Variants in PCCA observed in about 807,000 individuals in gnomAD.
The protein encoded by PCCA is propionyl-CoA carboxylase subunit alpha.
A neutral mutation model predicts 101.3 loss-of-function variants in PCCA; 74 were observed. The ratio of observed to expected loss-of-function variants is 0.73; its 90% confidence interval spans 0.61 to 0.89. The LOEUF (loss-of-function observed/expected upper bound fraction) is 0.89. Among genes scored for constraint, PCCA ranks in the 40% least tolerant of loss-of-function variants. The pLI is 0.00. For synonymous variants in PCCA, 294 were observed against 313.6 expected, an observed-to-expected ratio of 0.94 and a Z score of 0.66; for missense variants, 891 against 907.0, an observed-to-expected ratio of 0.98 and a Z score of 0.23.
At position 100,102,963 on chromosome 13, in the gene PCCA, A is replaced by T. The variant is rs1179068352; in HGVS notation, c.183+3A>T. ...TGGGATATGATCCTAATGAAAAAGT[A>T]AGTATTTAAAAGATATTCTCAACAA... On this transcript the variant is annotated splice_donor_region_variant and intron_variant, in intron 2 of 23. Coordinates refer to ENST00000376285, the MANE Select transcript of PCCA (RefSeq NM_000282.4). 6.5e-7 allele frequency: 1 copy of T among 1,543,600 alleles called. No homozygotes were observed. The highest frequency in any genetic ancestry group is 9.0e-7 in the Non-Finnish European group (1 of 1,115,972).
At chr13:100,186,787 A>C (rs1344624518) in intron 6 of PCCA, among the ~76,000 whole-genome samples, 3 of 151,814 alleles carry the variant, frequency 2.0e-5, no homozygotes, top group Non-Finnish European at 2.9e-5. Flanking sequence ...GATAGTGTAG[A>C]AGAAATCTGA....
intron 6 of PCCA, among the ~76,000 whole-genome samples, chr13:100,168,690 C>T (rs759043461): frequency 7.2e-5 from 11 of 152,028 alleles, no homozygotes; most frequent in Non-Finnish European, 1.0e-4. Flanking sequence ...CCTTTCTGCC[C>T]GGTTGTTAGC....
intron 19 of PCCA, among the ~76,000 whole-genome samples, chr13:100,406,427 G>T (rs1030301964): frequency 5.9e-5 from 9 of 152,164 alleles, no homozygotes; most frequent in Non-Finnish European, 8.8e-5. Context: ...AAAATTGGCC[G>T]GGTGCGGCCG....
chr13:100,143,671 T>G (rs955037344), intron 4 of PCCA, among the ~76,000 whole-genome samples: 1 of 152,230 alleles, frequency 6.6e-6, no homozygotes, highest in Middle Eastern at 3.4e-3. Flanking sequence ...AATGATTTTC[T>G]TTTTTGGGAA....
chr13:100,407,725 A>G (rs2077768413), intron 19 of PCCA, among the ~76,000 whole-genome samples: 1 of 152,200 alleles, frequency 6.6e-6, no homozygotes, highest in East Asian at 1.9e-4. Context: ...ACAAAAATTT[A>G]TATTTCCATG....
At chr13:100,461,684 G>A (rs1440239642) in intron 21 of PCCA, among the ~76,000 whole-genome samples, 1 of 152,156 alleles carries the variant, frequency 6.6e-6, no homozygotes, top group African/African-American at 2.4e-5. Context: ...GGGGTTTCTT[G>A]CACACGTGTG....
chr13:100,278,304 AAGAGATC>A (rs1362568241), intron 12 of PCCA, among the ~76,000 whole-genome samples: 1 of 152,204 alleles, frequency 6.6e-6, no homozygotes, highest in Non-Finnish European at 1.5e-5. Context: ...TTCTAGACCA[AAGAGATC>A]TGAGATTTTT....
At position 100,234,644 on chromosome 13, in the gene PCCA, T is replaced by C. The variant is rs534949675; in HGVS notation, c.601-1198T>C. 2.3e-3 allele frequency among the ~76,000 whole-genome samples: 151 copies of C among 66,726 alleles called. No homozygotes were observed. The African/African-American group carries it at 0.023, about 10-fold the overall frequency. The allele number at this position is 66,726 out of a possible 152,430, so 43.8% of individuals were successfully genotyped here. A position where few individuals can be genotyped will look rare whatever the true frequency, so the allele number is the denominator to read the frequency against. The stretch of plus-strand genomic sequence containing the variant: ...GATGTTATTAGGTACTGAAGAACTT[T>C]AAAGAAGATTTTTTTTTATTAGACA... On this transcript the variant is annotated intron_variant, in intron 7 of 23. Transcript: ENST00000376285.
At chr13:100,304,468 C>T (rs994060513) in intron 14 of PCCA, among the ~76,000 whole-genome samples, 3 of 152,142 alleles carry the variant, frequency 2.0e-5, no homozygotes, top group African/African-American at 7.2e-5. Context: ...CACTTTTGGC[C>T]TGTCATGGAG....
intron 11 of PCCA, among the ~76,000 whole-genome samples, chr13:100,270,598 A>C (rs1486263406): frequency 6.6e-6 from 1 of 152,262 alleles, no homozygotes; most frequent in Non-Finnish European, 1.5e-5. Flanking sequence ...AAAAAGGAAA[A>C]TATACAGCAG....
chr13:100,263,849 ATATATATGGTATCTGTATATCG>A lies in PCCA; in HGVS notation c.819+1026_819+1047del, dbSNP rs1388343068. On this transcript the variant is annotated intron_variant, in intron 10 of 23. Transcript: ENST00000376285. ...TATATGGTATCTGTATATCGTATAT[ATATATATGGTATCTGTATATCG>A]TATATATATGGTATCTGTATGTCAT... is the stretch of plus-strand genomic sequence containing the variant. Among the ~76,000 whole-genome samples, 755 of 147,302 alleles carry A rather than the reference ATATATATGGTATCTGTATATCG, an allele frequency of 5.1e-3. 1 individual carries two copies. Among genetic ancestry groups the A allele is most frequent in the Non-Finnish European group, 8.7e-3 (570 of 65,786 alleles).
At chr13:100,142,080 G>T (rs772479346) in intron 4 of PCCA, among the ~76,000 whole-genome samples, 5 of 152,094 alleles carry the variant, frequency 3.3e-5, no homozygotes, top group African/African-American at 9.7e-5. Flanking sequence ...TTTTCTTCCA[G>T]TAGGGCAGAT....
intron 16 of PCCA, among the ~76,000 whole-genome samples, chr13:100,313,469 T>C (rs1158565221): frequency 6.6e-6 from 1 of 152,186 alleles, no homozygotes; most frequent in Non-Finnish European, 1.5e-5. Flanking sequence ...TGAGGAATGC[T>C]GACTGGTTGG....
chr13:100,505,294 A>G (rs1327652586), intron 21 of PCCA, among the ~76,000 whole-genome samples: 1 of 152,174 alleles, frequency 6.6e-6, no homozygotes, highest in African/African-American at 2.4e-5. Flanking sequence ...TTGCCCAGAT[A>G]TGCTCGATAA....
In PCCA at chr13:100,518,084, A is replaced by G. The variant is rs570920846; in HGVS notation, c.2040+2517A>G. On this transcript the variant is annotated intron_variant, in intron 22 of 23. Coordinates refer to ENST00000376285, the MANE Select transcript of PCCA (RefSeq NM_000282.4). ...TTATGGGTGGGAAGATAATGGAGTC[A>G]GTCTCCTTGGTGTATTTTCAAGGAA... Among the ~76,000 whole-genome samples the G allele has an allele frequency of 6.6e-5, 10 of 152,356 alleles. No individual in the cohort carries two copies. The South Asian group carries it at 1.7e-3, about 25-fold the overall frequency.
chr13:100,451,907 C>T (rs2081308038), intron 21 of PCCA, among the ~76,000 whole-genome samples: 1 of 44,122 alleles, frequency 2.3e-5, no homozygotes, highest in Admixed American at 2.0e-4. Context: ...TTCCTCTCCT[C>T]TCTCCTCTCC....
intron 21 of PCCA, among the ~76,000 whole-genome samples, chr13:100,472,507 T>C (rs138396046): frequency 6.6e-6 from 1 of 152,158 alleles, no homozygotes; most frequent in East Asian, 1.9e-4. Context: ...ATTTATTACT[T>C]CATCACCTAA....
intron 14 of PCCA, among the ~76,000 whole-genome samples, chr13:100,305,413 G>A (rs2066370768): frequency 6.6e-6 from 1 of 152,132 alleles, no homozygotes; most frequent in Admixed American, 6.5e-5. Flanking sequence ...TATTGTCTAT[G>A]TTATTTTATT....
At chr13:100,487,936 C>T (rs2084524160) in intron 21 of PCCA, among the ~76,000 whole-genome samples, 1 of 152,006 alleles carries the variant, frequency 6.6e-6, no homozygotes, top group Non-Finnish European at 1.5e-5. Flanking sequence ...CACTATGTTG[C>T]CTGGGCTGGT....
Sources: gnomAD v4.1 joint callset for allele counts (sites outside exome capture counted in the v4.1 genomes callset) on GRCh38, gnomAD v4.1.1 for gene constraint, MANE v1.5 for transcripts, NCBI Gene and HGNC (gene_info 2026-07-23, HGNC 2026-07-21) for gene names.